Variants in SEC61A2 observed in about 807,000 individuals in gnomAD.
SEC61A2 encodes protein transport protein Sec61 subunit alpha isoform 2.
A neutral mutation model predicts 59.9 loss-of-function variants in SEC61A2; 28 were observed. The ratio of observed to expected loss-of-function variants is 0.47; its 90% CI spans 0.35 to 0.64. The LOEUF (loss-of-function observed/expected upper bound fraction) is 0.64. SEC61A2 is among the 30% of genes least tolerant of loss of function. The probability of loss-of-function intolerance (pLI) is 0.01; values close to 1 mark genes in which losing one functional copy is unlikely to be tolerated. For synonymous variants in SEC61A2, 202 were observed against 214.4 expected, an observed-to-expected ratio of 0.94 and a Z score of 0.50; for missense variants, 340 against 585.9, an observed-to-expected ratio of 0.58 and a Z score of 4.33.
intron 3 of SEC61A2, among the ~76,000 whole-genome samples, chr10:12,139,024 C>T (rs532798163): frequency 1.5e-4 from 23 of 152,180 alleles, no homozygotes; most frequent in African/African-American, 5.5e-4. Context: ...TGCAGTGGCA[C>T]GATTTCGGCT....
At chr10:12,139,109 G>A (rs972171205) in intron 3 of SEC61A2, among the ~76,000 whole-genome samples, 22 of 152,014 alleles carry the variant, frequency 1.4e-4, no homozygotes, top group Admixed American at 6.5e-4. Flanking sequence ...TTTCAGGCAC[G>A]TGCTACCATG....
rs910041086 is a variant in SEC61A2 at position 12,154,013 on chromosome 10, A to G, written c.463-1765A>G. ...AGGTAAGTATGTTTTGACATACTGA[A>G]CAAAAGATAGTTTGACAAAACTAAG... On this transcript the variant is annotated intron_variant, in intron 6 of 11. Coordinates refer to ENST00000298428, the MANE Select transcript of SEC61A2 (RefSeq NM_018144.4). The surrounding 1 kb of genome is among the most constrained non-coding windows in gnomAD (Gnocchi z 5.2). 9.2e-5 allele frequency among the ~76,000 whole-genome samples: 14 copies of G among 152,240 alleles called. No individual in the cohort carries two copies. Among genetic ancestry groups the G allele is most frequent in the African/African-American group, 2.7e-4 (11 of 41,462 alleles).
chr10:12,165,262 G>A lies in SEC61A2; in HGVS notation c.*808G>A. ...AAGCAATGTCTGTAGTTCAGTGGGG[G>A]TGAACAATGAATATATTCATGCTAG... On this transcript the variant is annotated 3_prime_UTR_variant, in exon 12 of 12. Transcript: ENST00000298428. 4.1e-6 allele frequency: 4 copies of A among 985,420 alleles called. No individual in the cohort carries two copies. The highest frequency in any genetic ancestry group is 4.8e-6 in the Non-Finnish European group (4 of 829,924). The allele number at this position is 985,420 out of a possible 1,614,324, so 61.0% of individuals were successfully genotyped here. A position where few individuals can be genotyped will look rare whatever the true frequency, so the allele number is the denominator to read the frequency against.
intron 6 of SEC61A2, 142 bp downstream of exon 6, chr10:12,150,103 T>TA: frequency 3.2e-6 from 2 of 622,706 alleles, no homozygotes; most frequent in East Asian, 2.8e-5. Flanking sequence ...ACTGAAGTGA[T>TA]ACGTGTAAAA....
chr10:12,133,261 A>T lies in SEC61A2; in HGVS notation c.28A>T (p.Lys10Ter), dbSNP rs780924335. 1 of 1,547,886 alleles carries T rather than the reference A, an allele frequency of 6.5e-7. No individual in the cohort carries two copies. The highest frequency in any genetic ancestry group is 1.1e-5 in the South Asian group (1 of 87,660). ...TACAGTCAAATTTTTAGAAGTTATC[A>T]AACCATTCTGTGCAGTTCTACCAGA... MGIKFLEVI[K>*]PFCAVLPEIQ... The change falls in exon 2 of 12, where the codon AAA becomes TAA. Residue 10 changes from lysine to a stop codon, truncating the protein, a stop_gained. Transcript: ENST00000298428. LOFTEE classifies it high-confidence loss of function.
chr10:12,141,940 G>A (rs1834032489), intron 3 of SEC61A2, among the ~76,000 whole-genome samples: 1 of 152,184 alleles, frequency 6.6e-6, no homozygotes, highest in African/African-American at 2.4e-5. Flanking sequence ...TGTCAGTAGA[G>A]GGTGATTTTA....
intron 6 of SEC61A2, among the ~76,000 whole-genome samples, chr10:12,151,866 G>C (rs890042879): frequency 6.7e-6 from 1 of 149,576 alleles, no homozygotes; most frequent in African/African-American, 2.5e-5. Context: ...TCTGCCTCCT[G>C]GGTTCAAGCG....
At position 12,165,046 on chromosome 10, in the gene SEC61A2, C is replaced by T. The variant is rs1588649199; in HGVS notation, c.*592C>T. 1.0e-6 allele frequency: 1 copy of T among 986,786 alleles called. No individual in the cohort carries two copies. The highest frequency in any genetic ancestry group is 1.2e-6 in the Non-Finnish European group (1 of 830,766). The allele number at this position is 986,786 out of a possible 1,614,324, so 61.1% of individuals were successfully genotyped here. ...CCACAACTGCTTCTAAGGCCTCCTCCTTCTCCTCCTCCTCTTCCTCTTCCT... is the reference window on the plus strand; with the variant it reads ...CCACAACTGCTTCTAAGGCCTCCTCTTTCTCCTCCTCCTCTTCCTCTTCCT... On this transcript the variant is annotated 3_prime_UTR_variant, in exon 12 of 12. Transcript: ENST00000298428.
intron 4 of SEC61A2, among the ~76,000 whole-genome samples, chr10:12,147,865 TA>T (rs910731144): frequency 1.3e-5 from 2 of 152,122 alleles, no homozygotes; most frequent in Non-Finnish European, 2.9e-5. Flanking sequence ...AAAGCTTGAT[TA>T]AGTCTATTTC....
rs1423609037 is a variant in SEC61A2 at position 12,158,780 on chromosome 10, C to A, written c.975+675C>A. The stretch of plus-strand genomic sequence containing the variant: ...TTTGCTGCTGCTAACATGTGAGATA[C>A]TGGACTCATCCTAACCTTTCCTATC... On this transcript the variant is annotated intron_variant, in intron 9 of 11. Coordinates refer to ENST00000298428, the MANE Select transcript of SEC61A2 (RefSeq NM_018144.4). This position sits in a 1 kb window ranked among gnomAD's most constrained non-coding sequence, Gnocchi z 5.7. 6.6e-6 allele frequency among the ~76,000 whole-genome samples: 1 copy of A among 152,070 alleles called. No individual in the cohort carries two copies. Among genetic ancestry groups the A allele is most frequent in the Non-Finnish European group, 1.5e-5 (1 of 68,004 alleles).
At chr10:12,137,743 A>G (rs1257295123) in intron 3 of SEC61A2, among the ~76,000 whole-genome samples, 4 of 152,208 alleles carry the variant, frequency 2.6e-5, no homozygotes, top group African/African-American at 7.2e-5. Flanking sequence ...ATGGTGGCTC[A>G]TGCCTGTAAT....
At chr10:12,169,338 C>T (rs373280594), downstream of SEC61A2, 25 of 1,540,900 alleles carry the variant, frequency 1.6e-5, no homozygotes, top group African/African-American at 1.8e-4. This position sits in a 1 kb window ranked among gnomAD's most constrained non-coding sequence, Gnocchi z 4.8. Flanking sequence ...AAGATAACCC[C>T]GCACGGCATT....
intron 6 of SEC61A2, among the ~76,000 whole-genome samples, chr10:12,151,877 A>G (rs1006167955): frequency 6.6e-6 from 1 of 151,970 alleles, no homozygotes; most frequent in African/African-American, 2.4e-5. Flanking sequence ...GGTTCAAGCG[A>G]TTCTCCTGCC....
intron 3 of SEC61A2, among the ~76,000 whole-genome samples, chr10:12,140,582 G>A (rs1325827671): frequency 2.0e-5 from 3 of 152,174 alleles, no homozygotes; most frequent in African/African-American, 4.8e-5. Context: ...GTCGTTGGGC[G>A]GAGTGGCCGC....
At position 12,154,720 on chromosome 10, in the gene SEC61A2, C is replaced by G. The variant is rs1004837963; in HGVS notation, c.463-1058C>G. On this transcript the variant is annotated intron_variant, in intron 6 of 11. Transcript: ENST00000298428. This position sits in a 1 kb window ranked among gnomAD's most constrained non-coding sequence, Gnocchi z 5.2. ...AGGCTCTGTCCAACTACTGAAATGG[C>G]AGTTAAGGAGAAAAACAACACTGTG... is the stretch of plus-strand genomic sequence containing the variant. Among the ~76,000 whole-genome samples the G allele has an allele frequency of 2.0e-5, 3 of 152,154 alleles. No individual in the cohort carries two copies. The highest frequency in any genetic ancestry group is 4.4e-5 in the Non-Finnish European group (3 of 68,042).
At chr10:12,167,879 G>T, downstream of SEC61A2, 1 of 1,598,108 alleles carries the variant, frequency 6.3e-7, no homozygotes, top group Non-Finnish European at 8.5e-7. Context: ...TATTCAATCA[G>T]TGTTTGCGCA....
At position 12,129,713 on chromosome 10, in the gene SEC61A2, A is replaced by G. The variant is rs1001144010; in HGVS notation, c.-75A>G. On this transcript the variant is annotated 5_prime_UTR_variant, in exon 1 of 12. Coordinates refer to ENST00000298428, the MANE Select transcript of SEC61A2 (RefSeq NM_018144.4). The surrounding 1 kb of genome is among the most constrained non-coding windows in gnomAD (Gnocchi z 5.6). ...AGGATCGCGTCGGGAGCCGGTACCG[A>G]GGCCCGAGCCGCGGGAGTCGAGCGA... The G allele has an allele frequency of 3.5e-6, 5 of 1,409,198 alleles. No individual in the cohort carries two copies. Among genetic ancestry groups the G allele is most frequent in the Non-Finnish European group, 4.7e-6 (5 of 1,057,350 alleles). The allele number at this position is 1,409,198 out of a possible 1,614,324, so 87.3% of individuals were successfully genotyped here.
At chr10:12,159,584 G>A (rs1036236194) in intron 9 of SEC61A2, among the ~76,000 whole-genome samples, 1 of 152,096 alleles carries the variant, frequency 6.6e-6, no homozygotes, top group African/African-American at 2.4e-5. Context: ...TAGCTACTTG[G>A]GAGGCTGAGT....
chr10:12,157,753 G>C (rs533557702), intron 8 of SEC61A2, among the ~76,000 whole-genome samples, 155 bp from the exon 9 acceptor site: 2 of 151,974 alleles, frequency 1.3e-5, no homozygotes, highest in Admixed American at 1.3e-4. Context: ...TGCCCGCCTC[G>C]GCCTCCCAAA....
Sources: gnomAD v4.1 joint callset for allele counts (sites outside exome capture counted in the v4.1 genomes callset) on GRCh38, gnomAD v4.1.1 for gene constraint, Gnocchi (gnomAD v3.1) non-coding constraint, MANE v1.5 for transcripts, NCBI Gene and HGNC (gene_info 2026-07-23, HGNC 2026-07-21) for gene names.